The following CEMIP2 variants were observed in gnomAD, a reference collection of about 807,000 sequenced individuals.
The protein encoded by CEMIP2 is cell migration inducing hyaluronidase 2, also known as cell surface hyaluronidase CEMIP2.
Under a neutral mutation model 146.9 loss-of-function variants are expected in CEMIP2, and 79 were observed. That is an observed-to-expected ratio of 0.54 (90% CI 0.45 to 0.65). The LOEUF (loss-of-function observed/expected upper bound fraction) is 0.65. Ranked by LOEUF, CEMIP2 falls within the 30% of genes least tolerant of loss-of-function variation. The pLI is 0.00. For missense variants in CEMIP2, 1,596 were observed against 1,696.2 expected, an observed-to-expected ratio of 0.94 and a Z score of 1.04; for synonymous variants, 601 against 606.3, an observed-to-expected ratio of 0.99 and a Z score of 0.13.
At position 71,698,199 on chromosome 9, in the gene CEMIP2, A is replaced by G. The variant is rs200191835; in HGVS notation, c.3383T>C (p.Leu1128Pro). The G allele has an allele frequency of 4.3e-6, 7 of 1,614,092 alleles. No individual in the cohort carries two copies. The highest frequency in any genetic ancestry group is 5.9e-6 in the Non-Finnish European group (7 of 1,179,948). The change falls in exon 20 of 24, where the codon CTG (leucine) becomes CCG (proline). Residue 1128 changes from leucine (L) to proline (P), a missense_variant. Coordinates refer to ENST00000377044, the MANE Select transcript of CEMIP2 (RefSeq NM_013390.3). ...KFYFDSSTGL[L>P]FLYLKAKSHR... ...GCTTTTGGCTTTGAGATACAAAAAC[A>G]GTAACCTGCACAAAACAGAAACCAA...
In CEMIP2 at chr9:71,698,087, G is replaced by A. The variant is rs1822452351; in HGVS notation, c.3495C>T (p.Asn1165=). The A allele has an allele frequency of 3.7e-6, 6 of 1,614,186 alleles. No individual in the cohort carries two copies. Among genetic ancestry groups the A allele is most frequent in the Non-Finnish European group, 5.1e-6 (6 of 1,180,026 alleles). The change falls in exon 20 of 24, where the codon AAC becomes AAT. Residue 1165 remains asparagine, a synonymous_variant. Transcript: ENST00000377044. The part of the protein sequence containing the change: ...QAATDSKDIS[N]CMAKAYPQYY... ...ACTGTGGGTATGCTTTGGCCATGCA[G>A]TTACTGATGTCCTTTGAGTCTGTGG... is the stretch of plus-strand genomic sequence containing the variant.
chr9:71,758,220 C>T (rs749502699), intron 1 of CEMIP2, among the ~76,000 whole-genome samples: 2 of 152,142 alleles, frequency 1.3e-5, no homozygotes, highest in African/African-American at 2.4e-5. Flanking sequence ...GAGATCTGCT[C>T]GATTGTGTAT....
chr9:71,745,045 C>T lies in CEMIP2; in HGVS notation c.1007G>A (p.Ser336Asn). Reference protein sequence around the residue: ...TIQMIQERLGSELIQGLGYRQ... With the variant: ...TIQMIQERLGNELIQGLGYRQ... The stretch of plus-strand genomic sequence containing the variant: ...GTAGCCCAGTCCTTGGATCAGTTCA[C>T]TTCCCAACCGTTCCTGGATCATCTG... The change falls in exon 4 of 24, where the codon AGT becomes AAT. Residue 336 changes from serine (S) to asparagine (N), a missense_variant. By Grantham distance (46) the Ser-to-Asn change is conservative. Transcript: ENST00000377044. 1 of 1,614,058 alleles carries T rather than the reference C, an allele frequency of 6.2e-7. No individual in the cohort carries two copies. The highest frequency in any genetic ancestry group is 8.5e-7 in the Non-Finnish European group (1 of 1,179,984).
In CEMIP2 at chr9:71,696,401, G is replaced by T. The variant is rs562401068; in HGVS notation, c.3597+1584C>A. ...TGGTTTCTCTGGTTGGTTGATTTTT[G>T]ATTTTACTTGTATGAGAGAGTAGAG... On this transcript the variant is annotated intron_variant, in intron 20 of 23. Coordinates refer to ENST00000377044, the MANE Select transcript of CEMIP2 (RefSeq NM_013390.3). 1.1e-3 allele frequency among the ~76,000 whole-genome samples: 169 copies of T among 151,526 alleles called. 1 individual carries two copies. The highest frequency in any genetic ancestry group is 7.7e-3 in the South Asian group (37 of 4,778).
At chr9:71,728,030 C>T (rs550170794) in intron 10 of CEMIP2, among the ~76,000 whole-genome samples, 3 of 151,548 alleles carry the variant, frequency 2.0e-5, no homozygotes, top group East Asian at 3.9e-4. Flanking sequence ...CACTGCACTC[C>T]AGCCTGGGGG....
In CEMIP2 at chr9:71,764,236, T is replaced by C. The variant is rs377463236; in HGVS notation, c.-13+4121A>G. On this transcript the variant is annotated intron_variant, in intron 1 of 23. Transcript: ENST00000377044. ...ACTTAGTTCCTTATTTCCCAGAAAT[T>C]TGTTACAAGTAACATCACCCCACCA... 3.3e-5 allele frequency among the ~76,000 whole-genome samples: 5 copies of C among 152,172 alleles called. No individual in the cohort carries two copies. In the East Asian group the frequency reaches 9.6e-4, roughly 29 times the overall value.
At chr9:71,704,469 C>T (rs1822668630) in intron 18 of CEMIP2, 126 bp downstream of exon 18, 3 of 927,816 alleles carry the variant, frequency 3.2e-6, no homozygotes, top group Non-Finnish European at 3.4e-6. Context: ...ACAGCCTCCC[C>T]ACAAGAGAAG....
chr9:71,732,938 G>T (rs140635408), intron 6 of CEMIP2, among the ~76,000 whole-genome samples: 256 of 152,020 alleles, frequency 1.7e-3, no homozygotes, highest in African/African-American at 6.0e-3. Flanking sequence ...CAGAAAGCTT[G>T]TTCCTTCCTG....
chr9:71,744,943 C>T, intron 4 of CEMIP2, 75 bp downstream of exon 4: 7 of 1,483,836 alleles, frequency 4.7e-6, no homozygotes, highest in Non-Finnish European at 5.4e-6. Context: ...GTGGCTGTGG[C>T]TCCTTTCCCC....
chr9:71,723,136 G>GAAAAAAAA lies in CEMIP2; in HGVS notation c.2179-629_2179-622dup, dbSNP rs33948828. Among the ~76,000 whole-genome samples, 28 of 104,200 alleles carry GAAAAAAAA rather than the reference G, an allele frequency of 2.7e-4. 2 individuals are homozygous for GAAAAAAAA. The highest frequency in any genetic ancestry group is 1.2e-3 in the East Asian group (4 of 3,208). 68.4% of individuals were successfully genotyped at this position (104,200 alleles called of 152,430 possible). ...TGGCAGAGAGCATGGAACAGCCAAAGAAAAAAAAAAAAAAAACAAAACCAT... is the reference window on the plus strand; with the variant it reads ...TGGCAGAGAGCATGGAACAGCCAAAGAAAAAAAAAAAAAAAAAAAAAAAACAAAACCAT... On this transcript the variant is annotated intron_variant, in intron 11 of 23. Transcript: ENST00000377044.
At chr9:71,722,753 G>C (rs748183123) in intron 11 of CEMIP2, among the ~76,000 whole-genome samples, 1 of 151,918 alleles carries the variant, frequency 6.6e-6, no homozygotes, top group Non-Finnish European at 1.5e-5. Flanking sequence ...TAGGCACCCA[G>C]TGTTATACAT....
rs1436851321 is a variant in CEMIP2, at chr9:71,684,629, A to G, written c.*568T>C. ...CTTACAAGTAATTGATATATAAGTG[A>G]ATAAAAATAGCACATGTCCAGGCAA... On this transcript the variant is annotated 3_prime_UTR_variant, in exon 24 of 24. Coordinates refer to ENST00000377044, the MANE Select transcript of CEMIP2 (RefSeq NM_013390.3). The G allele has an allele frequency of 6.6e-6, 1 of 152,630 alleles. No homozygotes were observed. Among genetic ancestry groups the G allele is most frequent in the Non-Finnish European group, 1.5e-5 (1 of 68,048 alleles). The allele number at this position is 152,630 out of a possible 1,614,324, so 9.5% of individuals were successfully genotyped here.
At chr9:71,753,148 G>A (rs1271293193) in intron 1 of CEMIP2, among the ~76,000 whole-genome samples, 1 of 152,150 alleles carries the variant, frequency 6.6e-6, no homozygotes, top group Non-Finnish European at 1.5e-5. Flanking sequence ...TTGAGTGTCA[G>A]CTCACCAGGG....
chr9:71,712,626 T>G (rs1822940304), intron 15 of CEMIP2, among the ~76,000 whole-genome samples: 1 of 152,162 alleles, frequency 6.6e-6, no homozygotes, highest in East Asian at 1.9e-4. Context: ...GGTACTTTGG[T>G]CTTCGTTTCC....
rs761477519 is a variant in CEMIP2 at position 71,683,830 on chromosome 9, C to G, written c.*1367G>C. ...GAAGAGGAAAGTGAAATTATCTGTA[C>G]TCATTGCCAGTGTCAGCCTGAACAC... On this transcript the variant is annotated 3_prime_UTR_variant, in exon 24 of 24. Transcript: ENST00000377044. 5 of 152,686 alleles carry G rather than the reference C, an allele frequency of 3.3e-5. No individual in the cohort carries two copies. Among genetic ancestry groups the G allele is most frequent in the Non-Finnish European group, 5.9e-5 (4 of 68,102 alleles). The allele number at this position is 152,686 out of a possible 1,614,324, so 9.5% of individuals were successfully genotyped here.
At chr9:71,733,501 A>G (rs2131975218) in intron 6 of CEMIP2, among the ~76,000 whole-genome samples, 1 of 152,320 alleles carries the variant, frequency 6.6e-6, no homozygotes, top group East Asian at 1.9e-4. Flanking sequence ...GAAAAGTACA[A>G]TGTTGACGGA....
At chr9:71,687,389 A>C (rs565523411) in intron 22 of CEMIP2, 2 of 152,246 alleles carry the variant, frequency 1.3e-5, no homozygotes, top group Admixed American at 1.3e-4. Flanking sequence ...TTCCATTCAG[A>C]AACAGAGTCT....
chr9:71,732,553 T>C, intron 6 of CEMIP2, 33 bp from the exon 7 acceptor site: 1 of 1,549,698 alleles, frequency 6.5e-7, no homozygotes, highest in Non-Finnish European at 8.7e-7. Flanking sequence ...AAAAAGAATA[T>C]TAGAACAAAG....
intron 1 of CEMIP2, among the ~76,000 whole-genome samples, chr9:71,755,961 CAA>C (rs55972127): frequency 3.3e-3 from 174 of 52,840 alleles, no homozygotes; most frequent in African/African-American, 0.015. Context: ...CTCTGTCTCA[CAA>C]AAAAAAAAAA....
Sources: gnomAD v4.1 joint callset for allele counts (sites outside exome capture counted in the v4.1 genomes callset) on GRCh38, gnomAD v4.1.1 for gene constraint, MANE v1.5 for transcripts, NCBI Gene and HGNC (gene_info 2026-07-23, HGNC 2026-07-21) for gene names.